FBXO36: variants seen among roughly 807,000 people sequenced by gnomAD.
FBXO36 encodes F-box only protein 36.
Under a neutral mutation model 17.0 loss-of-function variants are expected in FBXO36, and 18 were observed. The ratio of observed to expected loss-of-function variants is 1.06; its 90% CI spans 0.73 to 1.57. The LOEUF (loss-of-function observed/expected upper bound fraction) is 1.57. Ranked by LOEUF, FBXO36 falls within the 40% of genes most tolerant of loss-of-function variation. FBXO36 has a pLI of 0.00. For synonymous variants in FBXO36, 83 were observed against 85.3 expected (o/e 0.97, Z 0.15); for missense variants, 229 against 221.9 (o/e 1.03, Z -0.20).
At chr2:229,954,108 T>C (rs1467163962) in intron 1 of FBXO36, among the ~76,000 whole-genome samples, 2 of 152,064 alleles carry the variant, frequency 1.3e-5, no homozygotes, top group Non-Finnish European at 2.9e-5. Context: ...AAGCTCTTTT[T>C]CCACATTGGC....
chr2:229,995,403 A>T (rs1384830879), intron 2 of FBXO36, among the ~76,000 whole-genome samples: 1 of 152,124 alleles, frequency 6.6e-6, no homozygotes, highest in Non-Finnish European at 1.5e-5. Context: ...ATAAGTGAAC[A>T]GGTACAGAAA....
intron 3 of FBXO36, among the ~76,000 whole-genome samples, chr2:229,998,077 A>C (rs971434836): frequency 6.6e-6 from 1 of 152,206 alleles, no homozygotes; most frequent in Non-Finnish European, 1.5e-5. Context: ...TCCATTTATA[A>C]AAGAACATAC....
At chr2:229,985,586 G>C (rs1391608171) in intron 2 of FBXO36, among the ~76,000 whole-genome samples, 1 of 152,156 alleles carries the variant, frequency 6.6e-6, no homozygotes, top group Non-Finnish European at 1.5e-5. Context: ...GCAAGTGGAT[G>C]GTGAGGTGGG....
At chr2:230,010,660 G>A (rs1323217134) in intron 3 of FBXO36, 36 bp from the exon 4 acceptor site, 2 of 1,569,518 alleles carry the variant, frequency 1.3e-6, no homozygotes, top group Non-Finnish European at 8.7e-7. Flanking sequence ...TAACACATGT[G>A]TGCTGTAACC....
intron 2 of FBXO36, among the ~76,000 whole-genome samples, chr2:229,994,692 T>C (rs1304355903): frequency 6.6e-6 from 1 of 152,174 alleles, no homozygotes; most frequent in Non-Finnish European, 1.5e-5. Context: ...AGAGCCATTT[T>C]TGGGAAGACT....
chr2:229,933,962 A>C (rs758430022), intron 1 of FBXO36, among the ~76,000 whole-genome samples: 12 of 152,112 alleles, frequency 7.9e-5, no homozygotes, highest in Admixed American at 2.0e-4. Flanking sequence ...CTGGGATTAC[A>C]GGCGTGAGTC....
intron 3 of FBXO36, among the ~76,000 whole-genome samples, chr2:229,999,014 G>A (rs2077343113): frequency 6.6e-6 from 1 of 151,694 alleles, no homozygotes. Flanking sequence ...GTGTTAGCCA[G>A]GATGGTCTCG....
At chr2:229,999,093 C>T (rs1056007895) in intron 3 of FBXO36, among the ~76,000 whole-genome samples, 32 of 148,530 alleles carry the variant, frequency 2.2e-4, no homozygotes, top group Middle Eastern at 7.2e-3. Context: ...TGAGCCACCG[C>T]GCCTGGCCAA....
rs60093081 is a variant in FBXO36 at position 229,954,234 on chromosome 2, A to ATTTTTTTTTTTTTTTT, written c.97-21996_97-21981dup. Among the ~76,000 whole-genome samples, 214 of 71,386 alleles carry ATTTTTTTTTTTTTTTT rather than the reference A, an allele frequency of 3.0e-3. 55 individuals carry two copies. Among genetic ancestry groups the ATTTTTTTTTTTTTTTT allele is most frequent in the Admixed American group, 4.7e-3 (18 of 3,822 alleles). The allele number at this position is 71,386 out of a possible 152,430, so 46.8% of individuals were successfully genotyped here. A position where few individuals can be genotyped will look rare whatever the true frequency, so the allele number is the denominator to read the frequency against. On this transcript the variant is annotated intron_variant, in intron 1 of 3. Coordinates refer to ENST00000283946, the MANE Select transcript of FBXO36 (RefSeq NM_174899.5). ...GCAACTGTCATTACAAACCCTTTGG[A>ATTTTTTTTTTTTTTTT]TTTTTTTTTTTTTTTTTTTTTTTTT...
chr2:229,929,291 TG>T (rs2076927197), intron 1 of FBXO36, among the ~76,000 whole-genome samples: 1 of 152,024 alleles, frequency 6.6e-6, no homozygotes, highest in Middle Eastern at 3.4e-3. Flanking sequence ...GAGCTGGGTA[TG>T]GTAGCTCACA....
At chr2:230,002,244 T>C (rs1408811566) in intron 3 of FBXO36, among the ~76,000 whole-genome samples, 2 of 152,222 alleles carry the variant, frequency 1.3e-5, no homozygotes, top group Non-Finnish European at 2.9e-5. Context: ...GGTACAACAC[T>C]ATTAACTAAA....
intron 3 of FBXO36, among the ~76,000 whole-genome samples, chr2:230,000,046 G>C (rs935091273): frequency 1.3e-5 from 2 of 151,972 alleles, no homozygotes; most frequent in Non-Finnish European, 2.9e-5. Flanking sequence ...GAAATTTTGT[G>C]CTTGGTGCTG....
intron 2 of FBXO36, among the ~76,000 whole-genome samples, chr2:229,982,681 C>T (rs1168306519): frequency 6.7e-6 from 1 of 149,560 alleles, no homozygotes; most frequent in African/African-American, 2.5e-5. Context: ...GTGGTGGGCA[C>T]CTGTAATCCC....
chr2:229,955,238 A>G (rs1434769154), intron 1 of FBXO36, among the ~76,000 whole-genome samples: 2 of 152,076 alleles, frequency 1.3e-5, no homozygotes, highest in African/African-American at 4.8e-5. Context: ...AGCATTTTTC[A>G]GTAACACACT....
chr2:229,959,183 T>A (rs1251583872), intron 1 of FBXO36, among the ~76,000 whole-genome samples: 1 of 152,146 alleles, frequency 6.6e-6, no homozygotes, highest in Non-Finnish European at 1.5e-5. Flanking sequence ...TTTAAAATAA[T>A]TTTTAATTTT....
chr2:229,951,563 G>A (rs1410403400), intron 1 of FBXO36, among the ~76,000 whole-genome samples: 3 of 152,172 alleles, frequency 2.0e-5, no homozygotes, highest in South Asian at 4.1e-4. Flanking sequence ...TTTTTGTAAA[G>A]CATTAAAGCA....
intron 1 of FBXO36, among the ~76,000 whole-genome samples, chr2:229,945,946 CG>C (rs557500709): frequency 1.3e-3 from 201 of 151,462 alleles, no homozygotes; most frequent in African/African-American, 4.8e-3. Flanking sequence ...CCCTTGAACC[CG>C]GGAGGCGGAG....
At chr2:230,005,242 C>T (rs1191334012) in intron 3 of FBXO36, among the ~76,000 whole-genome samples, 1 of 152,066 alleles carries the variant, frequency 6.6e-6, no homozygotes, top group Non-Finnish European at 1.5e-5. Context: ...TCTGGGACTA[C>T]AGGTGCACAC....
intron 1 of FBXO36, among the ~76,000 whole-genome samples, chr2:229,944,592 CTTT>C (rs58905595): frequency 1.0e-4 from 9 of 88,402 alleles, no homozygotes; most frequent in East Asian, 3.1e-4. Context: ...TTTTCTTTTT[CTTT>C]TTTTTTTTTT....
Sources: allele counts gnomAD v4.1 joint callset (sites outside exome capture counted in the v4.1 genomes callset), GRCh38; gene constraint gnomAD v4.1.1; transcripts MANE v1.5; gene names NCBI Gene and HGNC (gene_info 2026-07-23, HGNC 2026-07-21).